Variants in PTPN2 observed in about 807,000 individuals in gnomAD.
PTPN2 encodes the protein tyrosine-protein phosphatase non-receptor type 2.
In PTPN2, 19 loss-of-function variants were observed where a neutral mutation model predicts 57.3. The ratio of observed to expected loss-of-function variants is 0.33; its 90% CI spans 0.23 to 0.49. The LOEUF is 0.49. PTPN2 is among the 20% of genes least tolerant of loss of function. PTPN2 has a pLI of 0.99. For missense variants in PTPN2, 358 were observed against 501.1 expected (o/e 0.71, Z 2.73); for synonymous variants, 153 against 164.9 (o/e 0.93, Z 0.55).
rs527316457 is a variant in PTPN2 at position 12,812,183 on chromosome 18, C to A, written c.858+2020G>T. ...AACCAGCTTAAGTATTTATGCCTGA[C>A]CTTGTGCTGAAAGGCAATTGCAAAT... On this transcript the variant is annotated intron_variant, in intron 7 of 8. Transcript: ENST00000309660. Among the ~76,000 whole-genome samples, 5 of 152,248 alleles carry A rather than the reference C, an allele frequency of 3.3e-5. No homozygotes were observed. The East Asian group carries it at 9.6e-4, about 29-fold the overall frequency.
chr18:12,790,863 TTTCTC>T (rs1402768731), downstream of PTPN2, among the ~76,000 whole-genome samples: 3 of 152,322 alleles, frequency 2.0e-5, no homozygotes, highest in Non-Finnish European at 4.4e-5. Context: ...TTTTTCTTCC[TTTCTC>T]TTTTCTTGGT....
downstream of PTPN2, among the ~76,000 whole-genome samples, chr18:12,790,001 T>C (rs1334051525): frequency 1.3e-5 from 2 of 152,066 alleles, no homozygotes; most frequent in Non-Finnish European, 1.5e-5. Context: ...GGCTCCATCA[T>C]AGTTCACTGC....
chr18:12,830,173 G>A lies in PTPN2; in HGVS notation c.360+770C>T, dbSNP rs8084963. ...GCTGCAGTGCAGTGGGTTTTGAGATGGAGTCTCATTCTATCATCCAGGTTG... is the reference window on the plus strand; with the variant it reads ...GCTGCAGTGCAGTGGGTTTTGAGATAGAGTCTCATTCTATCATCCAGGTTG... On this transcript the variant is annotated intron_variant, in intron 4 of 8. Coordinates refer to ENST00000309660, the MANE Select transcript of PTPN2 (RefSeq NM_002828.4). Among the ~76,000 whole-genome samples the A allele has an allele frequency of 9.3e-3, 1,404 of 151,502 alleles. 29 individuals carry two copies. Among genetic ancestry groups the A allele is most frequent in the African/African-American group, 0.03 (1,248 of 41,294 alleles).
intron 1 of PTPN2, among the ~76,000 whole-genome samples, chr18:12,866,421 G>C (rs1375819042): frequency 2.0e-5 from 3 of 150,766 alleles, no homozygotes; most frequent in African/African-American, 7.3e-5. Context: ...CTAGGCGACA[G>C]AGCCAGACTC....
At position 12,814,322 on chromosome 18, in the gene PTPN2, C is replaced by T. The variant is rs61731982; in HGVS notation, c.739G>A (p.Val247Met). The part of the protein sequence containing the change: ...EKGDDINIKQ[V>M]LLNMRKYRMG... ...CGGTATTTTCTCATGTTCAGTAACA[C>T]TTGTTTTATGTTAATATCATCTCCT... The change falls in exon 7 of 9, where the codon GTG becomes ATG. Residue 247 changes from valine to methionine, a missense_variant. Coordinates refer to ENST00000309660, the MANE Select transcript of PTPN2 (RefSeq NM_002828.4). 6.2e-4 allele frequency: 997 copies of T among 1,604,370 alleles called. 6 individuals carry two copies. In the African/African-American group the frequency reaches 0.013, roughly 20 times the overall value.
intron 8 of PTPN2, among the ~76,000 whole-genome samples, chr18:12,801,221 A>G (rs1440949797): frequency 6.6e-6 from 1 of 152,234 alleles, no homozygotes; most frequent in Non-Finnish European, 1.5e-5. Flanking sequence ...AATAAAGGTT[A>G]TATTAATTTG....
At chr18:12,871,537 ATTT>A (rs1280353635) in intron 1 of PTPN2, among the ~76,000 whole-genome samples, 1 of 149,248 alleles carries the variant, frequency 6.7e-6, no homozygotes, top group African/African-American at 2.6e-5. Flanking sequence ...AATATTTAAA[ATTT>A]TTTATCTTTT....
intron 1 of PTPN2, among the ~76,000 whole-genome samples, chr18:12,869,476 T>A (rs1231245414): frequency 6.6e-6 from 1 of 152,236 alleles, no homozygotes; most frequent in South Asian, 2.1e-4. Context: ...GTTTTTATTT[T>A]AAAAATCTAT....
chr18:12,869,655 G>A (rs917379527), intron 1 of PTPN2, among the ~76,000 whole-genome samples: 1 of 152,164 alleles, frequency 6.6e-6, no homozygotes, highest in Non-Finnish European at 1.5e-5. Context: ...CTACGATGTA[G>A]TAGCAAATAA....
At chr18:12,825,711 T>C (rs2042426549) in intron 5 of PTPN2, 99 bp downstream of exon 5, 1 of 1,192,832 alleles carries the variant, frequency 8.4e-7, no homozygotes, top group Non-Finnish European at 1.2e-6. Flanking sequence ...ATAGGAATTA[T>C]CCAAATGCAT....
chr18:12,801,126 G>C (rs2041404590), intron 8 of PTPN2, among the ~76,000 whole-genome samples: 1 of 152,134 alleles, frequency 6.6e-6, no homozygotes, highest in African/African-American at 2.4e-5. Flanking sequence ...TTGTTTTAAA[G>C]GATTTTTGAA....
chr18:12,853,411 G>C (rs1182992228), intron 2 of PTPN2, among the ~76,000 whole-genome samples: 1 of 152,174 alleles, frequency 6.6e-6, no homozygotes, highest in African/African-American at 2.4e-5. Flanking sequence ...AAAGTGTTGG[G>C]ATTATAAGCA....
chr18:12,789,872 GTGTGTGTA>G (rs2040938085), downstream of PTPN2, among the ~76,000 whole-genome samples: 1 of 149,128 alleles, frequency 6.7e-6, no homozygotes, highest in Admixed American at 6.6e-5. Flanking sequence ...GTGTGTGTGT[GTGTGTGTA>G]TATATATATG....
chr18:12,870,258 CATATAT>C, intron 1 of PTPN2, among the ~76,000 whole-genome samples: 1 of 99,592 alleles, frequency 1.0e-5, no homozygotes, highest in South Asian at 3.4e-4. Context: ...TTAACTTTAG[CATATAT>C]ATATATATGT....
chr18:12,843,498 C>G (rs868542670), intron 2 of PTPN2, among the ~76,000 whole-genome samples: 1 of 152,176 alleles, frequency 6.6e-6, no homozygotes, highest in Admixed American at 6.5e-5. Context: ...AGCACTCCCC[C>G]ACTGCACGCT....
chr18:12,817,762 G>T (rs750294377), intron 5 of PTPN2, among the ~76,000 whole-genome samples: 4 of 152,074 alleles, frequency 2.6e-5, no homozygotes, highest in Non-Finnish European at 5.9e-5. Context: ...GCAGCCTTTG[G>T]GTTCTCAGCT....
At chr18:12,849,296 C>T (rs372449080) in intron 2 of PTPN2, among the ~76,000 whole-genome samples, 3 of 152,318 alleles carry the variant, frequency 2.0e-5, no homozygotes, top group Admixed American at 1.3e-4. Context: ...CAGAAGCTCA[C>T]GCCTGTAATC....
chr18:12,822,106 T>C (rs989823356), intron 5 of PTPN2, among the ~76,000 whole-genome samples: 1 of 152,136 alleles, frequency 6.6e-6, no homozygotes, highest in Non-Finnish European at 1.5e-5. Context: ...CAATGTGTCA[T>C]AGATACATGT....
chr18:12,792,955 G>A lies in PTPN2; in HGVS notation c.*1323C>T, dbSNP rs2032174. 37,375 of 984,098 alleles carry A rather than the reference G, an allele frequency of 0.038. 1,088 individuals are homozygous for A. Among genetic ancestry groups the A allele is most frequent in the East Asian group, 0.14 (1,187 of 8,792 alleles). 61.0% of individuals were successfully genotyped at this position (984,098 alleles called of 1,614,324 possible). ...TAAGCCTTATGCAGAAATCTTATGT[G>A]GCATATAAAGAGACAAGGCAGAGAT... On this transcript the variant is annotated 3_prime_UTR_variant, in exon 9 of 9. Coordinates refer to ENST00000309660, the MANE Select transcript of PTPN2 (RefSeq NM_002828.4).
Sources: gnomAD v4.1 joint callset for allele counts (sites outside exome capture counted in the v4.1 genomes callset) on GRCh38, gnomAD v4.1.1 for gene constraint, MANE v1.5 for transcripts, NCBI Gene and HGNC (gene_info 2026-07-23, HGNC 2026-07-21) for gene names.